GAS7: variants seen among roughly 807,000 people sequenced by gnomAD.
GAS7 encodes growth arrest specific 7, also known as growth arrest-specific protein 7.
In GAS7, 28 loss-of-function variants were observed where a neutral mutation model predicts 71.1. The observed-to-expected ratio is 0.39, with a 90% CI of 0.29 to 0.54. The LOEUF (loss-of-function observed/expected upper bound fraction) is 0.54. GAS7 is among the 20% of genes least tolerant of loss of function. The probability of loss-of-function intolerance (pLI) is 0.62; values close to 1 mark genes in which losing one functional copy is unlikely to be tolerated. For missense variants in GAS7, 436 were observed against 627.8 expected (o/e 0.69, Z 3.27); for synonymous variants, 258 against 245.8 (o/e 1.05, Z -0.46).
At chr17:9,938,004 T>C (rs555360481) in intron 8 of GAS7, among the ~76,000 whole-genome samples, 8 of 152,288 alleles carry the variant, frequency 5.3e-5, no homozygotes, top group Admixed American at 2.0e-4. Flanking sequence ...AACGCCTGTT[T>C]TGTGAGTGCA....
At chr17:10,083,563 G>T (rs573382316) in intron 1 of GAS7, among the ~76,000 whole-genome samples, 2 of 152,254 alleles carry the variant, frequency 1.3e-5, no homozygotes, top group Non-Finnish European at 2.9e-5. Context: ...CTTGTGCACT[G>T]ATTCCCAAGT....
At chr17:10,176,873 C>T (rs184542526) in intron 1 of GAS7, among the ~76,000 whole-genome samples, 9 of 152,232 alleles carry the variant, frequency 5.9e-5, no homozygotes, top group Admixed American at 2.0e-4. Context: ...CTGGTTAAGC[C>T]GTGAGCCAAA....
At chr17:10,082,602 A>G (rs2073469727) in intron 1 of GAS7, among the ~76,000 whole-genome samples, 1 of 152,234 alleles carries the variant, frequency 6.6e-6, no homozygotes, top group Non-Finnish European at 1.5e-5. Flanking sequence ...TTATAAAGTT[A>G]AATGCATGCT....
At chr17:10,071,723 A>G (rs1043767008) in intron 1 of GAS7, among the ~76,000 whole-genome samples, 5 of 152,088 alleles carry the variant, frequency 3.3e-5, no homozygotes, top group Non-Finnish European at 7.4e-5. Flanking sequence ...TCAGGAGTTC[A>G]AGACCAGCCT....
chr17:10,055,569 C>T (rs2073125170), intron 1 of GAS7, among the ~76,000 whole-genome samples: 1 of 152,242 alleles, frequency 6.6e-6, no homozygotes, highest in South Asian at 2.1e-4. Flanking sequence ...CCCTCCCTTT[C>T]CAGGTTGGCC....
intron 1 of GAS7, among the ~76,000 whole-genome samples, chr17:10,146,207 G>A (rs1212621441): frequency 6.6e-6 from 1 of 152,082 alleles, no homozygotes; most frequent in Non-Finnish European, 1.5e-5. Flanking sequence ...AGGTATCTGG[G>A]CCCAAAACTA....
intron 1 of GAS7, among the ~76,000 whole-genome samples, chr17:10,146,236 A>G (rs6503290): frequency 0.33 from 49,877 of 152,014 alleles, 8,514 homozygotes; most frequent in South Asian, 0.42. Context: ...TTGAAGGCGC[A>G]GATAAGAAAT....
chr17:9,962,405 G>A (rs1255668836), intron 4 of GAS7, among the ~76,000 whole-genome samples: 1 of 152,166 alleles, frequency 6.6e-6, no homozygotes, highest in East Asian at 1.9e-4. Context: ...TCAAAGGCAG[G>A]TATTTGGAAT....
At chr17:10,130,729 G>C (rs1700586587) in intron 1 of GAS7, among the ~76,000 whole-genome samples, 1 of 152,188 alleles carries the variant, frequency 6.6e-6, no homozygotes, top group South Asian at 2.1e-4. Context: ...AAAACATTCT[G>C]CTAAGTGAAA....
intron 1 of GAS7, among the ~76,000 whole-genome samples, chr17:10,077,617 C>A (rs2073409448): frequency 6.6e-6 from 1 of 152,122 alleles, no homozygotes; most frequent in South Asian, 2.1e-4. Flanking sequence ...CTGCCCTATC[C>A]CAATGGCAGA....
intron 1 of GAS7, among the ~76,000 whole-genome samples, chr17:10,143,110 A>AG (rs2074095818): frequency 1.3e-5 from 2 of 151,916 alleles, no homozygotes; most frequent in Non-Finnish European, 2.9e-5. Context: ...TGAACCCGGG[A>AG]CTCGGAGGTT....
chr17:10,166,545 A>C (rs1435881429), intron 1 of GAS7, among the ~76,000 whole-genome samples: 3 of 152,194 alleles, frequency 2.0e-5, no homozygotes, highest in Admixed American at 2.0e-4. Flanking sequence ...ACCACAGAAA[A>C]TCCAAACAAG....
At chr17:10,126,362 T>A (rs960527200) in intron 1 of GAS7, among the ~76,000 whole-genome samples, 13 of 75,928 alleles carry the variant, frequency 1.7e-4, no homozygotes, top group African/African-American at 2.8e-4. Context: ...TCACACACAC[T>A]CTTGCACACA....
chr17:10,183,139 A>T (rs1425640304), intron 1 of GAS7, among the ~76,000 whole-genome samples: 1 of 151,942 alleles, frequency 6.6e-6, no homozygotes, highest in Admixed American at 6.6e-5. Flanking sequence ...GGAAAATGCT[A>T]TACCATCTTG....
At chr17:10,114,963 G>A (rs1311581497) in intron 1 of GAS7, among the ~76,000 whole-genome samples, 1 of 152,184 alleles carries the variant, frequency 6.6e-6, no homozygotes, top group African/African-American at 2.4e-5. Flanking sequence ...TCTGTGGCTG[G>A]CAGGGCTGGG....
chr17:10,180,048 C>T lies in GAS7; in HGVS notation c.183+18160G>A, dbSNP rs550925104. Among the ~76,000 whole-genome samples the T allele has an allele frequency of 8.6e-5, 13 of 150,856 alleles. No homozygotes were observed. In the East Asian group the frequency reaches 1.6e-3, roughly 19 times the overall value. On this transcript the variant is annotated intron_variant, in intron 1 of 13. Coordinates refer to ENST00000432992, the MANE Select transcript of GAS7 (RefSeq NM_201433.2). Reference sequence around the variant, plus strand: ...GCCTTATTATTCCCACTTAAAGATACGGAAACTAATGGCTGGGCGTGGTGG... The same window carrying T: ...GCCTTATTATTCCCACTTAAAGATATGGAAACTAATGGCTGGGCGTGGTGG...
intron 2 of GAS7, among the ~76,000 whole-genome samples, chr17:10,016,182 G>C (rs775997755): frequency 1.3e-5 from 2 of 151,140 alleles, no homozygotes; most frequent in East Asian, 4.0e-4. Flanking sequence ...CCAGGAGATC[G>C]AGACCACCCT....
rs544127906 is a variant in GAS7 at position 10,144,846 on chromosome 17, C to A, written c.183+53362G>T. ...TACAGGCGTGAGCCACTGCGCCTGG[C>A]CAGTTGTTACATTTCTAAAAAAAAA... On this transcript the variant is annotated intron_variant, in intron 1 of 13. Coordinates refer to ENST00000432992, the MANE Select transcript of GAS7 (RefSeq NM_201433.2). Among the ~76,000 whole-genome samples, 14 of 152,292 alleles carry A rather than the reference C, an allele frequency of 9.2e-5. 1 individual carries two copies. In the South Asian group the frequency reaches 2.7e-3, roughly 29 times the overall value.
At position 10,044,615 on chromosome 17, in the gene GAS7, G is replaced by T. The variant is rs1597742723; in HGVS notation, c.184-24718C>A. 3.3e-5 allele frequency among the ~76,000 whole-genome samples: 5 copies of T among 151,588 alleles called. No individual in the cohort carries two copies. In the South Asian group the frequency reaches 1.0e-3, roughly 32 times the overall value. On this transcript the variant is annotated intron_variant, in intron 1 of 13. Coordinates refer to ENST00000432992, the MANE Select transcript of GAS7 (RefSeq NM_201433.2). Reference sequence around the variant, plus strand: ...TGTCTAACATTTTCTAAATTTTTTTGGTATTTCTAGACTAGGTAGTCTGTC... The same window carrying T: ...TGTCTAACATTTTCTAAATTTTTTTTGTATTTCTAGACTAGGTAGTCTGTC...
Sources: allele counts gnomAD v4.1 joint callset (sites outside exome capture counted in the v4.1 genomes callset), GRCh38; gene constraint gnomAD v4.1.1; transcripts MANE v1.5; gene names NCBI Gene and HGNC (gene_info 2026-07-23, HGNC 2026-07-21).